The following NUP155 variants were observed in gnomAD, a reference collection of about 807,000 sequenced individuals.
NUP155 encodes the protein nuclear pore complex protein Nup155.
A neutral mutation model predicts 180.4 loss-of-function variants in NUP155; 71 were observed. The observed-to-expected ratio is 0.39, with a 90% CI of 0.33 to 0.48. NUP155 has a LOEUF of 0.48. NUP155 is among the 20% of genes least tolerant of loss of function. NUP155 has a pLI of 0.91. For missense variants in NUP155, 1,553 were observed against 1,648.9 expected, an observed-to-expected ratio of 0.94 and a Z score of 1.01; for synonymous variants, 582 against 559.5, an observed-to-expected ratio of 1.04 and a Z score of -0.57.
At chr5:37,307,164 C>T in intron 25 of NUP155, 133 bp downstream of exon 25, 1 of 858,276 alleles carries the variant, frequency 1.2e-6, no homozygotes, top group Non-Finnish European at 1.8e-6. Flanking sequence ...CACGACTGCA[C>T]TCCAGCCCAG....
intron 32 of NUP155, among the ~76,000 whole-genome samples, chr5:37,297,934 GAAA>G (rs11303544): frequency 3.8e-5 from 5 of 132,826 alleles, no homozygotes; most frequent in South Asian, 2.4e-4. Context: ...ATGCTCATTT[GAAA>G]AAAAAAAAAA....
intron 5 of NUP155, among the ~76,000 whole-genome samples, chr5:37,352,448 G>GA (rs1746526502): frequency 6.6e-6 from 1 of 152,206 alleles, no homozygotes; most frequent in Non-Finnish European, 1.5e-5. Flanking sequence ...TGAAGCAGGA[G>GA]AATCACTTGA....
intron 25 of NUP155, among the ~76,000 whole-genome samples, chr5:37,305,664 A>G (rs1743113639): frequency 6.6e-6 from 1 of 152,160 alleles, no homozygotes; most frequent in Non-Finnish European, 1.5e-5. Context: ...CCTGGGTGAC[A>G]GCAAGACCCT....
At chr5:37,348,442 G>T in intron 9 of NUP155, 63 bp downstream of exon 9, 1 of 1,014,892 alleles carries the variant, frequency 9.9e-7, no homozygotes, top group East Asian at 2.4e-5. Flanking sequence ...CTTTTAGAAG[G>T]CTACACACAA....
At chr5:37,348,387 C>A in intron 9 of NUP155, 118 bp downstream of exon 9, 1 of 747,614 alleles carries the variant, frequency 1.3e-6, no homozygotes, top group Non-Finnish European at 2.5e-6. Context: ...ATCTCTTCAA[C>A]ATTCCTTGTC....
At chr5:37,325,327 A>T (rs1485837405) in intron 19 of NUP155, among the ~76,000 whole-genome samples, 1 of 152,166 alleles carries the variant, frequency 6.6e-6, no homozygotes, top group Non-Finnish European at 1.5e-5. Context: ...TATGAGGGAG[A>T]TATACTACGC....
rs1346887428 is a variant in NUP155 at position 37,291,913 on chromosome 5, T to C, written c.4163A>G (p.Glu1388Gly). The C allele has an allele frequency of 6.2e-7, 1 of 1,614,034 alleles. No individual in the cohort carries two copies. Among genetic ancestry groups the C allele is most frequent in the South Asian group, 1.1e-5 (1 of 91,082 alleles). ...GNFKSLQAKL[E>G]RLH is the part of the protein sequence containing the mutation. ...ATATCACAGTAATTAATGAAGCCGT[T>C]CTAATTTAGCTTGAAGAGATTTAAA... The change falls in exon 35 of 35, where the codon GAA becomes GGA. Residue 1388 changes from glutamate to glycine, a missense_variant. Glu to Gly is a moderately conservative substitution (Grantham distance 98). Coordinates refer to ENST00000231498, the MANE Select transcript of NUP155 (RefSeq NM_153485.3).
chr5:37,351,528 G>T (rs1381582736), intron 5 of NUP155, among the ~76,000 whole-genome samples, 172 bp from the exon 6 acceptor site: 1 of 151,426 alleles, frequency 6.6e-6, no homozygotes, highest in Non-Finnish European at 1.5e-5. Flanking sequence ...CTCACTGCAA[G>T]CTCTACCTCC....
intron 17 of NUP155, among the ~76,000 whole-genome samples, chr5:37,328,120 G>C (rs371314898): frequency 7.9e-5 from 12 of 152,148 alleles, no homozygotes; most frequent in South Asian, 6.2e-4. Flanking sequence ...CAGATTTTAG[G>C]GTTCAATTTA....
chr5:37,336,981 C>A (rs1336754189), intron 12 of NUP155, among the ~76,000 whole-genome samples: 1 of 152,218 alleles, frequency 6.6e-6, no homozygotes, highest in African/African-American at 2.4e-5. Flanking sequence ...CAGACATTCA[C>A]ACCCCACTAG....
chr5:37,363,949 G>A lies in NUP155; in HGVS notation c.331C>T (p.Pro111Ser), dbSNP rs765665525. The change falls in exon 3 of 35, where the codon CCT becomes TCT. Residue 111 changes from proline to serine, a missense_variant. Transcript: ENST00000231498. The stretch of plus-strand genomic sequence containing the variant: ...ATTGTGAGCCAAGCTCTGCTGATAG[G>A]AGGGAACACACCCATCATGCAATTA... ...QCNCMMGVFP[P>S]ISRAWLTIDS... 3.9e-5 allele frequency: 63 copies of A among 1,613,758 alleles called. No individual in the cohort carries two copies. The highest frequency in any genetic ancestry group is 5.1e-5 in the Non-Finnish European group (60 of 1,179,802).
At chr5:37,340,158 G>A (rs1157619137) in intron 11 of NUP155, among the ~76,000 whole-genome samples, 1 of 152,166 alleles carries the variant, frequency 6.6e-6, no homozygotes, top group East Asian at 1.9e-4. Flanking sequence ...AAAAAATCAG[G>A]CCAGGTGCAC....
chr5:37,336,252 G>A (rs749858444), intron 12 of NUP155, among the ~76,000 whole-genome samples: 3 of 152,102 alleles, frequency 2.0e-5, no homozygotes, highest in Non-Finnish European at 4.4e-5. Context: ...AAGCCAAGGT[G>A]GGAGGATCGC....
chr5:37,321,879 G>C (rs1039574132), intron 20 of NUP155, among the ~76,000 whole-genome samples: 4 of 151,970 alleles, frequency 2.6e-5, no homozygotes, highest in Admixed American at 6.6e-5. Context: ...TTTTGAGACA[G>C]AGTTTCACTC....
intron 18 of NUP155, 29 bp downstream of exon 18, chr5:37,327,600 A>G: frequency 6.2e-7 from 1 of 1,612,730 alleles, no homozygotes; most frequent in South Asian, 1.1e-5. Flanking sequence ...CAAGGTGAGC[A>G]ATAATTCATT....
chr5:37,294,076 G>GT (rs2150935119), intron 33 of NUP155, among the ~76,000 whole-genome samples: 1 of 150,974 alleles, frequency 6.6e-6, no homozygotes, highest in African/African-American at 2.4e-5. Flanking sequence ...CCACACCTTG[G>GT]TTTAGCCTCT....
intron 22 of NUP155, among the ~76,000 whole-genome samples, chr5:37,313,375 G>A (rs896822290): frequency 6.6e-6 from 1 of 151,622 alleles, no homozygotes; most frequent in African/African-American, 2.4e-5. Flanking sequence ...AGGTTGCAGC[G>A]AGCCGAGATT....
chr5:37,291,805 G>A lies in NUP155; in HGVS notation c.*95C>T, dbSNP rs900639546. 4.4e-6 allele frequency: 5 copies of A among 1,131,412 alleles called. No individual in the cohort carries two copies. The African/African-American group carries it at 6.2e-5, about 14-fold the overall frequency. The allele number at this position is 1,131,412 out of a possible 1,614,324, so 70.1% of individuals were successfully genotyped here. A position where few individuals can be genotyped will look rare whatever the true frequency, so the allele number is the denominator to read the frequency against. On this transcript the variant is annotated 3_prime_UTR_variant, in exon 35 of 35. Coordinates refer to ENST00000231498, the MANE Select transcript of NUP155 (RefSeq NM_153485.3). Reference sequence around the variant, plus strand: ...TTAAAAACATATTTCTATTAAGATTGTTCTTACATTCTTAGATTTAGAACA... The same window carrying A: ...TTAAAAACATATTTCTATTAAGATTATTCTTACATTCTTAGATTTAGAACA...
chr5:37,359,668 A>G (rs898297039), intron 3 of NUP155, among the ~76,000 whole-genome samples: 4 of 152,158 alleles, frequency 2.6e-5, no homozygotes, highest in Non-Finnish European at 5.9e-5. Context: ...CTGTCTTAAC[A>G]TGATTTCTGG....
Sources: allele counts gnomAD v4.1 joint callset (sites outside exome capture counted in the v4.1 genomes callset), GRCh38; gene constraint gnomAD v4.1.1; transcripts MANE v1.5; gene names NCBI Gene and HGNC (gene_info 2026-07-23, HGNC 2026-07-21).